Variants in MAP2 observed in about 807,000 individuals in gnomAD.
The protein encoded by MAP2 is microtubule-associated protein 2.
A neutral mutation model predicts 137.6 loss-of-function variants in MAP2; 14 were observed. The ratio of observed to expected loss-of-function variants is 0.10; its 90% CI spans 0.07 to 0.16. MAP2 has a LOEUF of 0.16. MAP2 is among the 10% of genes least tolerant of loss of function. The pLI, the probability that MAP2 is intolerant of heterozygous loss-of-function variation, is 1.00. For synonymous variants in MAP2, 786 were observed against 782.3 expected, an observed-to-expected ratio of 1.00 and a Z score of -0.08; for missense variants, 2,088 against 2,191.5, an observed-to-expected ratio of 0.95 and a Z score of 0.94.
At chr2:209,517,277 C>A (rs142978185) in intron 2 of MAP2, among the ~76,000 whole-genome samples, 15 of 151,992 alleles carry the variant, frequency 9.9e-5, no homozygotes, top group Admixed American at 2.6e-4. Flanking sequence ...CTGTTAGAGA[C>A]CTAGTGGCAA....
chr2:209,457,650 A>T (rs1159876081), intron 1 of MAP2, among the ~76,000 whole-genome samples: 1 of 152,162 alleles, frequency 6.6e-6, no homozygotes, highest in African/African-American at 2.4e-5. Flanking sequence ...GAGGACAGGG[A>T]TATCCACCAT....
intron 3 of MAP2, among the ~76,000 whole-genome samples, chr2:209,604,637 T>C (rs2084058580): frequency 6.6e-6 from 1 of 152,176 alleles, no homozygotes. Flanking sequence ...AACAGTCTGT[T>C]TTATGGAGGT....
Position 209,561,845 on chromosome 2 carries a change from A to G in MAP2, c.-171-18191A>G, listed in dbSNP as rs535037716. On this transcript the variant is annotated intron_variant, in intron 2 of 15. Coordinates refer to ENST00000682079, the MANE Select transcript of MAP2 (RefSeq NM_001375505.1). ...TTTTACAGCTCTCTGTATTATCCAG[A>G]CCACCAACTTAATGTAAGGCACATT... Among the ~76,000 whole-genome samples the G allele has an allele frequency of 8.5e-5, 13 of 152,298 alleles. No homozygotes were observed. The South Asian group carries it at 2.7e-3, about 32-fold the overall frequency.
chr2:209,578,411 T>C (rs914918420), intron 2 of MAP2, among the ~76,000 whole-genome samples: 4 of 143,782 alleles, frequency 2.8e-5, no homozygotes, highest in East Asian at 2.0e-4. Context: ...GGCGATTCTT[T>C]CAAGAAGGAA....
intron 3 of MAP2, among the ~76,000 whole-genome samples, chr2:209,610,046 A>G (rs548627439): frequency 1.3e-5 from 2 of 152,312 alleles, no homozygotes; most frequent in African/African-American, 2.4e-5. Flanking sequence ...TTATTAAATA[A>G]TCATATAAAT....
At chr2:209,483,541 T>A (rs2057986974) in intron 1 of MAP2, among the ~76,000 whole-genome samples, 1 of 152,222 alleles carries the variant, frequency 6.6e-6, no homozygotes, top group South Asian at 2.1e-4. Context: ...GCCACCACAC[T>A]CCAGCCTGGC....
chr2:209,478,525 A>T (rs1444172878), intron 1 of MAP2, among the ~76,000 whole-genome samples: 1 of 152,174 alleles, frequency 6.6e-6, no homozygotes, highest in Non-Finnish European at 1.5e-5. Flanking sequence ...CTATAGAAGA[A>T]CGTGAAACAG....
chr2:209,578,186 C>T (rs150304573), intron 2 of MAP2, among the ~76,000 whole-genome samples: 3 of 152,184 alleles, frequency 2.0e-5, no homozygotes, highest in Non-Finnish European at 4.4e-5. Context: ...AGCTTTCTCA[C>T]CTATGAAACA....
intron 1 of MAP2, among the ~76,000 whole-genome samples, chr2:209,437,272 T>G (rs2149359203): frequency 6.6e-6 from 1 of 151,726 alleles, no homozygotes; most frequent in Non-Finnish European, 1.5e-5. Context: ...CCTCTCAACT[T>G]TAGTGGTCCT....
chr2:209,597,875 G>C (rs2153452117), intron 3 of MAP2, among the ~76,000 whole-genome samples: 1 of 152,040 alleles, frequency 6.6e-6, no homozygotes, highest in Middle Eastern at 3.4e-3. Flanking sequence ...CTCATCCTCT[G>C]TTCTGATTTA....
At chr2:209,656,592 A>T (rs2153620054) in intron 5 of MAP2, among the ~76,000 whole-genome samples, 1 of 152,218 alleles carries the variant, frequency 6.6e-6, no homozygotes, top group Middle Eastern at 3.4e-3. Flanking sequence ...TATTTGCTCA[A>T]CTGTAGCATA....
intron 2 of MAP2, among the ~76,000 whole-genome samples, chr2:209,555,150 A>G (rs894022622): frequency 6.6e-6 from 1 of 151,820 alleles, no homozygotes; most frequent in Non-Finnish European, 1.5e-5. Flanking sequence ...TCATAATCCT[A>G]TCCTTCATTT....
chr2:209,641,673 A>G (rs1420695367), intron 4 of MAP2, among the ~76,000 whole-genome samples: 1 of 151,606 alleles, frequency 6.6e-6, no homozygotes, highest in African/African-American at 2.4e-5. Context: ...CCTTAATTAA[A>G]TATCACTGGT....
At chr2:209,543,365 G>C (rs2067392752) in intron 2 of MAP2, among the ~76,000 whole-genome samples, 1 of 152,156 alleles carries the variant, frequency 6.6e-6, no homozygotes, top group African/African-American at 2.4e-5. Flanking sequence ...GGAAAAGCTT[G>C]AATTACTTTG....
intron 1 of MAP2, among the ~76,000 whole-genome samples, chr2:209,465,424 A>C (rs1703879536): frequency 8.7e-6 from 1 of 114,686 alleles, no homozygotes; most frequent in Non-Finnish European, 2.2e-5. Context: ...CATATAACAT[A>C]ACTTTTCTAG....
chr2:209,686,705 A>G (rs760378106), intron 7 of MAP2, among the ~76,000 whole-genome samples: 1 of 152,336 alleles, frequency 6.6e-6, no homozygotes, highest in South Asian at 2.1e-4. Flanking sequence ...TTAAGGAGAT[A>G]TGTTTAAATA....
chr2:209,460,752 GGTT>G (rs912552932), intron 1 of MAP2, among the ~76,000 whole-genome samples: 1 of 151,630 alleles, frequency 6.6e-6, no homozygotes, highest in African/African-American at 2.4e-5. Flanking sequence ...GAAACTTTTT[GGTT>G]GTTGTTTTTT....
At chr2:209,640,538 G>T (rs1475944996) in intron 4 of MAP2, among the ~76,000 whole-genome samples, 1 of 141,386 alleles carries the variant, frequency 7.1e-6, no homozygotes, top group East Asian at 2.0e-4. Flanking sequence ...AATGCAATCA[G>T]GTTCAAAGAA....
intron 1 of MAP2, among the ~76,000 whole-genome samples, chr2:209,479,100 G>A (rs1406168319): frequency 2.0e-5 from 3 of 152,044 alleles, no homozygotes; most frequent in Admixed American, 6.6e-5. Context: ...AATTACAAAA[G>A]CAAGTGATTT....
Sources: gnomAD v4.1 joint callset for allele counts (sites outside exome capture counted in the v4.1 genomes callset) on GRCh38, gnomAD v4.1.1 for gene constraint, MANE v1.5 for transcripts, NCBI Gene and HGNC (gene_info 2026-07-23, HGNC 2026-07-21) for gene names.